The following TFB2M variants were observed in gnomAD, a reference collection of about 807,000 sequenced individuals.
TFB2M encodes the protein dimethyladenosine transferase 2, mitochondrial.
A neutral mutation model predicts 41.3 loss-of-function variants in TFB2M; 44 were observed. The ratio of observed to expected loss-of-function variants is 1.07; its 90% CI spans 0.84 to 1.37. TFB2M has a LOEUF of 1.37. Ranked by LOEUF, TFB2M falls within the 40% of genes most tolerant of loss-of-function variation. The probability of loss-of-function intolerance (pLI) is 0.00; values close to 1 mark genes in which losing one functional copy is unlikely to be tolerated. For missense variants in TFB2M, 496 were observed against 490.2 expected, an observed-to-expected ratio of 1.01 and a Z score of -0.11; for synonymous variants, 188 against 176.8, an observed-to-expected ratio of 1.06 and a Z score of -0.50.
intron 1 of TFB2M, 127 bp from the exon 2 acceptor site, chr1:246,564,561 A>T: frequency 1.4e-6 from 1 of 727,326 alleles, no homozygotes; most frequent in South Asian, 1.7e-5. Context: ...CGCAAAGTAG[A>T]TGTCACTCTC....
intron 1 of TFB2M, 68 bp downstream of exon 1, chr1:246,565,758 C>T: frequency 6.6e-7 from 1 of 1,513,108 alleles, no homozygotes. Context: ...AAAATAGCAC[C>T]CCGAGGAGGG....
rs569242958 is a variant in TFB2M at position 246,554,491 on chromosome 1, G to A, written c.705+2082C>T. The stretch of plus-strand genomic sequence containing the variant: ...TTCTCATAGGAACACAATCCCTATT[G>A]CGCATGCGAAGGATCTGGGTTTTGC... On this transcript the variant is annotated intron_variant, in intron 4 of 7. Coordinates refer to ENST00000366514, the MANE Select transcript of TFB2M (RefSeq NM_022366.3). Among the ~76,000 whole-genome samples, 12 of 132,228 alleles carry A rather than the reference G, an allele frequency of 9.1e-5. No individual in the cohort carries two copies. In the South Asian group the frequency reaches 3.5e-3, roughly 38 times the overall value. 86.7% of individuals were successfully genotyped at this position (132,228 alleles called of 152,430 possible). A position where few individuals can be genotyped will look rare whatever the true frequency, so the allele number is the denominator to read the frequency against.
chr1:246,543,856 G>A (rs1399641703), intron 7 of TFB2M, among the ~76,000 whole-genome samples: 1 of 147,648 alleles, frequency 6.8e-6, no homozygotes, highest in East Asian at 1.9e-4. Flanking sequence ...CGGGCGTGGT[G>A]GTGCATGCTT....
Position 246,540,878 on chromosome 1 carries a change from C to G in TFB2M, c.*153G>C. On this transcript the variant is annotated 3_prime_UTR_variant, in exon 8 of 8. Transcript: ENST00000366514. ...AGCAGACACTGTTTCATCCAATAAG[C>G]CAATGATATCAGCTTAGGAGAAATG... 1 of 574,204 alleles carries G rather than the reference C, an allele frequency of 1.7e-6. No individual in the cohort carries two copies. Among genetic ancestry groups the G allele is most frequent in the Non-Finnish European group, 2.9e-6 (1 of 342,384 alleles). The allele number at this position is 574,204 out of a possible 1,614,324, so 35.6% of individuals were successfully genotyped here. A position where few individuals can be genotyped will look rare whatever the true frequency, so the allele number is the denominator to read the frequency against.
At chr1:246,549,648 A>G (rs968916634) in intron 5 of TFB2M, among the ~76,000 whole-genome samples, 2 of 152,328 alleles carry the variant, frequency 1.3e-5, no homozygotes, top group East Asian at 1.9e-4. Context: ...ACCCATAACC[A>G]TATTAAATTC....
chr1:246,544,347 A>G (rs1658940301), intron 7 of TFB2M, among the ~76,000 whole-genome samples, 174 bp downstream of exon 7: 1 of 152,218 alleles, frequency 6.6e-6, no homozygotes, highest in Non-Finnish European at 1.5e-5. Context: ...AGATTATGGG[A>G]AAAATATATT....
In TFB2M at chr1:246,548,543, A is replaced by AC. The variant is rs780280633; in HGVS notation, c.858+1dup. The stretch of plus-strand genomic sequence containing the variant: ...AAGGAAAAGGTATTATTTTATTCTT[A>AC]CCCTACGCTTTGGGTTTTCCAGCGG... On this transcript the variant is annotated splice_donor_variant, in intron 6 of 7. Coordinates refer to ENST00000366514, the MANE Select transcript of TFB2M (RefSeq NM_022366.3). LOFTEE classifies it high-confidence loss of function. 1 of 1,612,900 alleles carries AC rather than the reference A, an allele frequency of 6.2e-7. No individual in the cohort carries two copies. Among genetic ancestry groups the AC allele is most frequent in the Middle Eastern group, 1.7e-4 (1 of 6,058 alleles).
chr1:246,565,563 T>C (rs1020136705), intron 1 of TFB2M, among the ~76,000 whole-genome samples: 7 of 151,738 alleles, frequency 4.6e-5, no homozygotes, highest in Admixed American at 3.3e-4. Context: ...AATAAGAAAA[T>C]TAGCTGGGCG....
Position 246,559,805 on chromosome 1 carries a change from CA to C in TFB2M, c.403-2272del, listed in dbSNP as rs533778170. 1.3e-3 allele frequency among the ~76,000 whole-genome samples: 200 copies of C among 152,212 alleles called. 1 individual carries two copies. Among genetic ancestry groups the C allele is most frequent in the African/African-American group, 4.6e-3 (191 of 41,520 alleles). ...TTGGCTTGTTGAAGGTAATTTAAGTCAGGGGTCTACACTAGGGAGAAACAGA... is the reference window on the plus strand; with the variant it reads ...TTGGCTTGTTGAAGGTAATTTAAGTCGGGGTCTACACTAGGGAGAAACAGA... On this transcript the variant is annotated intron_variant, in intron 2 of 7. Coordinates refer to ENST00000366514, the MANE Select transcript of TFB2M (RefSeq NM_022366.3).
At chr1:246,554,843 A>G (rs931871368) in intron 4 of TFB2M, among the ~76,000 whole-genome samples, 6 of 152,180 alleles carry the variant, frequency 3.9e-5, no homozygotes, top group Admixed American at 2.0e-4. Context: ...AAAAGAGAAA[A>G]AAAGACAAAG....
chr1:246,555,346 A>T (rs183598126), intron 4 of TFB2M, among the ~76,000 whole-genome samples: 1 of 152,182 alleles, frequency 6.6e-6, no homozygotes, highest in Admixed American at 6.5e-5. Flanking sequence ...CCAACACTTT[A>T]GGAGGCTGAG....
intron 4 of TFB2M, 137 bp from the exon 5 acceptor site, chr1:246,551,439 G>A (rs1477247284): frequency 1.4e-5 from 9 of 629,086 alleles, no homozygotes; most frequent in South Asian, 2.0e-5. Flanking sequence ...GCAAAAAGCC[G>A]GGTGCAGCGG....
At chr1:246,560,940 C>A (rs185020082) in intron 2 of TFB2M, among the ~76,000 whole-genome samples, 157 of 152,226 alleles carry the variant, frequency 1.0e-3, no homozygotes, top group African/African-American at 3.7e-3. Flanking sequence ...GGTAAAACCA[C>A]GTCTCTACTA....
intron 2 of TFB2M, among the ~76,000 whole-genome samples, chr1:246,562,848 C>T (rs1488689564): frequency 9.2e-5 from 14 of 152,072 alleles, no homozygotes; most frequent in African/African-American, 2.9e-4. Context: ...TTAGTAGAGA[C>T]GGGGTTTCAC....
At chr1:246,558,774 G>A (rs947846997) in intron 2 of TFB2M, among the ~76,000 whole-genome samples, 3 of 152,164 alleles carry the variant, frequency 2.0e-5, no homozygotes, top group Non-Finnish European at 4.4e-5. Context: ...TCTAAAGACA[G>A]AAGCAACTAT....
chr1:246,554,292 C>A (rs1659261964), intron 4 of TFB2M, among the ~76,000 whole-genome samples: 1 of 152,140 alleles, frequency 6.6e-6, no homozygotes, highest in Admixed American at 6.6e-5. Context: ...ACACAGGTCC[C>A]CAATCCCCGG....
chr1:246,562,523 T>C (rs920961204), intron 2 of TFB2M, among the ~76,000 whole-genome samples: 3 of 152,192 alleles, frequency 2.0e-5, no homozygotes, highest in Non-Finnish European at 2.9e-5. Context: ...AGTGGAAAAT[T>C]TGACACCCGA....
Position 246,540,944 on chromosome 1 carries a change from C to T in TFB2M, c.*87G>A. ...GCAAGACAAGAACAGTTACCTTCTGCTGAAAGGATGTGAGTTTTCAAATTT... is the reference window on the plus strand; with the variant it reads ...GCAAGACAAGAACAGTTACCTTCTGTTGAAAGGATGTGAGTTTTCAAATTT... On this transcript the variant is annotated 3_prime_UTR_variant, in exon 8 of 8. Coordinates refer to ENST00000366514, the MANE Select transcript of TFB2M (RefSeq NM_022366.3). 1 of 1,336,074 alleles carries T rather than the reference C, an allele frequency of 7.5e-7. No individual in the cohort carries two copies. Among genetic ancestry groups the T allele is most frequent in the African/African-American group, 1.5e-5 (1 of 68,222 alleles). The allele number at this position is 1,336,074 out of a possible 1,614,324, so 82.8% of individuals were successfully genotyped here. A position where few individuals can be genotyped will look rare whatever the true frequency, so the allele number is the denominator to read the frequency against.
intron 1 of TFB2M, 144 bp downstream of exon 1, chr1:246,565,682 A>G (rs770959680): frequency 1.7e-4 from 162 of 941,274 alleles, no homozygotes; most frequent in Non-Finnish European, 2.2e-4. Context: ...ACTGCACTCC[A>G]GCCTGGCAAC....
Sources: gnomAD v4.1 joint callset for allele counts (sites outside exome capture counted in the v4.1 genomes callset) on GRCh38, gnomAD v4.1.1 for gene constraint, MANE v1.5 for transcripts, NCBI Gene and HGNC (gene_info 2026-07-23, HGNC 2026-07-21) for gene names.